WSB1: variants seen among roughly 807,000 people sequenced by gnomAD.
WSB1 encodes WD repeat and SOCS box-containing protein 1.
In WSB1, 23 loss-of-function variants were observed where a neutral mutation model predicts 50.2. The ratio of observed to expected loss-of-function variants is 0.46; its 90% CI spans 0.33 to 0.65. The LOEUF (loss-of-function observed/expected upper bound fraction) is 0.65. Among genes scored for constraint, WSB1 ranks in the 30% least tolerant of loss-of-function variants. The pLI is 0.02. For missense variants in WSB1, 492 were observed against 522.3 expected, an observed-to-expected ratio of 0.94 and a Z score of 0.56; for synonymous variants, 179 against 172.0, an observed-to-expected ratio of 1.04 and a Z score of -0.32.
chr17:27,299,037 A>C (rs2017110515), intron 1 of WSB1, among the ~76,000 whole-genome samples: 1 of 152,128 alleles, frequency 6.6e-6, no homozygotes, highest in East Asian at 1.9e-4. Flanking sequence ...ACCCTGTCTA[A>C]AAAATTAAGC....
At position 27,294,454 on chromosome 17, in the gene WSB1, G is replaced by A; in HGVS notation, c.40+19G>A. 1 of 1,612,668 alleles carries A rather than the reference G, an allele frequency of 6.2e-7. No individual in the cohort carries two copies. The highest frequency in any genetic ancestry group is 2.2e-5 in the East Asian group (1 of 44,792). On this transcript the variant is annotated intron_variant, in intron 1 of 8. Transcript: ENST00000262394. Reference sequence around the variant, plus strand: ...GAGATCGGTGAGGATTGGGACCGTGGGTGGGCGCATGAGGGCCGAGGAGAG... The same window carrying A: ...GAGATCGGTGAGGATTGGGACCGTGAGTGGGCGCATGAGGGCCGAGGAGAG...
At chr17:27,307,858 G>A (rs780295986) in intron 5 of WSB1, 8 of 1,488,534 alleles carry the variant, frequency 5.4e-6, no homozygotes, top group South Asian at 1.3e-5. Context: ...GGCTGGGGGC[G>A]ACCTTTACCA....
intron 2 of WSB1, 30 bp from the exon 3 acceptor site, chr17:27,303,337 A>T: frequency 6.2e-7 from 1 of 1,607,836 alleles, no homozygotes. Context: ...GAATAATAAT[A>T]CAATTTCCAT....
rs1338331726 is a variant in WSB1, at chr17:27,313,501, A to T, written c.*1132A>T. 6.6e-6 allele frequency: 1 copy of T among 152,472 alleles called. No homozygotes were observed. The highest frequency in any genetic ancestry group is 1.5e-5 in the Non-Finnish European group (1 of 68,014). The allele number at this position is 152,472 out of a possible 1,614,324, so 9.4% of individuals were successfully genotyped here. A position where few individuals can be genotyped will look rare whatever the true frequency, so the allele number is the denominator to read the frequency against. The stretch of plus-strand genomic sequence containing the variant: ...ATATTGGTGAGTTGCCAAAGAAGCA[A>T]TACAGCATATCTGCTTTTGCCTTCT... On this transcript the variant is annotated 3_prime_UTR_variant, in exon 9 of 9. Transcript: ENST00000262394.
At chr17:27,308,438 GAA>G in intron 5 of WSB1, 4 of 984,752 alleles carry the variant, frequency 4.1e-6, no homozygotes, top group Non-Finnish European at 4.8e-6. Flanking sequence ...GTTAGTTTGG[GAA>G]AAATAAGATG....
At chr17:27,311,190 T>G (rs2017664124) in intron 7 of WSB1, among the ~76,000 whole-genome samples, 1 of 152,130 alleles carries the variant, frequency 6.6e-6, no homozygotes, top group Non-Finnish European at 1.5e-5. Context: ...TGAAACAGAC[T>G]AGAAGTTGAT....
In WSB1 at chr17:27,311,631, C is replaced by CTTTTTTT; in HGVS notation, c.1106+16_1106+17insTTTTTTT. The CTTTTTTT allele has an allele frequency of 1.9e-6, 1 of 537,246 alleles. No homozygotes were observed. Among genetic ancestry groups the CTTTTTTT allele is most frequent in the South Asian group, 3.0e-5 (1 of 33,494 alleles). 33.3% of individuals were successfully genotyped at this position (537,246 alleles called of 1,614,324 possible). On this transcript the variant is annotated intron_variant, in intron 8 of 8. Transcript: ENST00000262394. ...TTAGCTGCTGGGTAAATATATTTTTCTCTTTTTTTTTTTTTTTTTTTTTTT... is the reference window on the plus strand; with the variant it reads ...TTAGCTGCTGGGTAAATATATTTTTCTTTTTTTTCTTTTTTTTTTTTTTTTTTTTTTT...
Position 27,309,046 on chromosome 17 carries a change from A to G in WSB1, c.712-54A>G, listed in dbSNP as rs2017564254. 5.3e-6 allele frequency: 8 copies of G among 1,501,664 alleles called. 1 individual carries two copies. The Admixed American group carries it at 6.9e-5, about 13-fold the overall frequency. 93.0% of individuals were successfully genotyped at this position (1,501,664 alleles called of 1,614,324 possible). The stretch of plus-strand genomic sequence containing the variant: ...TAGCAGTTTTAGTATAAGATGTGCC[A>G]TTTTGTCCTCTGTATGTCTGAATGA... On this transcript the variant is annotated intron_variant, in intron 5 of 8. Coordinates refer to ENST00000262394, the MANE Select transcript of WSB1 (RefSeq NM_015626.10).
In WSB1 at chr17:27,315,447, T is replaced by C. The variant is rs2017811485; in HGVS notation, c.*3078T>C. 1 of 152,262 alleles carries C rather than the reference T, an allele frequency of 6.6e-6. No individual in the cohort carries two copies. Among genetic ancestry groups the C allele is most frequent in the African/African-American group, 2.4e-5 (1 of 41,472 alleles). 9.4% of individuals were successfully genotyped at this position (152,262 alleles called of 1,614,324 possible). A position where few individuals can be genotyped will look rare whatever the true frequency, so the allele number is the denominator to read the frequency against. On this transcript the variant is annotated 3_prime_UTR_variant, in exon 9 of 9. Transcript: ENST00000262394. ...TTAACGATCCTTGAAATTTCCTGCC[T>C]GCTGTGACTGTGATGCAGTTGGATT...
intron 1 of WSB1, among the ~76,000 whole-genome samples, chr17:27,298,958 G>A (rs1380201244): frequency 1.3e-5 from 2 of 152,134 alleles, no homozygotes; most frequent in Non-Finnish European, 2.9e-5. Flanking sequence ...CTACTCAGGA[G>A]GTTGAGGCAG....
intron 5 of WSB1, 97 bp downstream of exon 5, chr17:27,306,979 G>T: frequency 1.7e-6 from 2 of 1,144,966 alleles, no homozygotes; most frequent in East Asian, 2.6e-5. Flanking sequence ...GTCTGTGCTC[G>T]GTGTCATGAA....
At position 27,312,291 on chromosome 17, in the gene WSB1, A is replaced by G. The variant is rs2017715975; in HGVS notation, c.1188A>G (p.Arg396=). Residue 396 remains arginine (R), a synonymous_variant, in exon 9 of 9, where the codon CGA becomes CGG. Coordinates refer to ENST00000262394, the MANE Select transcript of WSB1 (RefSeq NM_015626.10). ...SLQHLCRMSI[R]RVMPTQEVQE... ...AACATTTATGTCGCATGTCAATCCG[A>G]AGAGTGATGCCCACCCAAGAAGTTC... 1 of 1,614,062 alleles carries G rather than the reference A, an allele frequency of 6.2e-7. No individual in the cohort carries two copies. The highest frequency in any genetic ancestry group is 1.3e-5 in the African/African-American group (1 of 74,936).
At chr17:27,301,061 A>T (rs1450745181) in intron 1 of WSB1, among the ~76,000 whole-genome samples, 3 of 152,028 alleles carry the variant, frequency 2.0e-5, no homozygotes, top group Admixed American at 6.6e-5. Context: ...TAGTAGAGAC[A>T]GGGTTTCAAA....
Position 27,301,790 on chromosome 17 carries a change from A to C in WSB1, c.43A>C (p.Arg15=), listed in dbSNP as rs761198922. ...PPRVNEKEIV[R]LRTIGELLAP... ...AGTATTTTTATTTTTCCTTTTAGTG[A>C]GATTACGTACTATAGGTGAACTTTT... is the stretch of plus-strand genomic sequence containing the variant. Residue 15 remains arginine (R), a splice_region_variant and synonymous_variant, in exon 2 of 9, where the codon AGA becomes CGA. Transcript: ENST00000262394. The C allele has an allele frequency of 1.2e-6, 2 of 1,613,548 alleles. No individual in the cohort carries two copies. Among genetic ancestry groups the C allele is most frequent in the Non-Finnish European group, 1.7e-6 (2 of 1,179,776 alleles).
intron 2 of WSB1, 136 bp downstream of exon 2, chr17:27,302,092 A>G: frequency 8.9e-7 from 1 of 1,128,686 alleles, no homozygotes; most frequent in Non-Finnish European, 1.2e-6. Context: ...CATGGGCTGA[A>G]TATATTTATT....
intron 8 of WSB1, among the ~76,000 whole-genome samples, 186 bp downstream of exon 8, chr17:27,311,802 ATTTG>A (rs1169912210): frequency 1.3e-5 from 2 of 151,056 alleles, no homozygotes; most frequent in South Asian, 2.1e-4. Flanking sequence ...TGGCTAATTT[ATTTG>A]TTTGTTCGTT....
At chr17:27,308,564 G>A in intron 5 of WSB1, 1 of 985,848 alleles carries the variant, frequency 1.0e-6, no homozygotes, top group Non-Finnish European at 1.2e-6. Context: ...ATTTGGCTGT[G>A]AATATTCTAT....
chr17:27,298,171 TCTTG>T (rs562096906), intron 1 of WSB1, among the ~76,000 whole-genome samples: 48 of 149,258 alleles, frequency 3.2e-4, no homozygotes, highest in African/African-American at 1.2e-3. Context: ...AAAATTTAAG[TCTTG>T]CTTATGCTTG....
At chr17:27,296,921 C>T (rs1174876184) in intron 1 of WSB1, among the ~76,000 whole-genome samples, 2 of 152,142 alleles carry the variant, frequency 1.3e-5, no homozygotes, top group Non-Finnish European at 2.9e-5. Context: ...AGTATTTAAT[C>T]TGAGCACTTA....
Sources: gnomAD v4.1 joint callset for allele counts (sites outside exome capture counted in the v4.1 genomes callset) on GRCh38, gnomAD v4.1.1 for gene constraint, MANE v1.5 for transcripts, NCBI Gene and HGNC (gene_info 2026-07-23, HGNC 2026-07-21) for gene names.